Variants in WASL observed in about 807,000 individuals in gnomAD.
The protein encoded by WASL is WASP like actin nucleation promoting factor, also known as actin nucleation-promoting factor WASL.
WASL carries 20 observed loss-of-function variants against 55.5 expected under a neutral mutation model. The ratio of observed to expected loss-of-function variants is 0.36; its 90% CI spans 0.25 to 0.52. WASL has a LOEUF of 0.52. Among genes scored for constraint, WASL ranks in the 20% least tolerant of loss-of-function variants. WASL has a pLI of 0.92. For synonymous variants in WASL, 249 were observed against 217.6 expected, an observed-to-expected ratio of 1.14 and a Z score of -1.27; for missense variants, 504 against 622.5, an observed-to-expected ratio of 0.81 and a Z score of 2.03.
chr7:123,697,496 T>G (rs1803512202), intron 5 of WASL, among the ~76,000 whole-genome samples: 2 of 152,212 alleles, frequency 1.3e-5, no homozygotes, highest in Non-Finnish European at 2.9e-5. Context: ...AAAGTCTGAA[T>G]GTGGAGCATT....
At chr7:123,741,363 G>A (rs1804339488) in intron 1 of WASL, among the ~76,000 whole-genome samples, 1 of 152,096 alleles carries the variant, frequency 6.6e-6, no homozygotes, top group Admixed American at 6.6e-5. Flanking sequence ...TGGTAAAACT[G>A]GTTTCATTAT....
At chr7:123,702,450 T>A (rs1348880898) in intron 5 of WASL, among the ~76,000 whole-genome samples, 1 of 152,226 alleles carries the variant, frequency 6.6e-6, no homozygotes, top group African/African-American at 2.4e-5. Flanking sequence ...TTCTATCTAT[T>A]CATGGAAACT....
intron 1 of WASL, among the ~76,000 whole-genome samples, chr7:123,735,385 A>G (rs961168699): frequency 2.7e-5 from 4 of 149,422 alleles, no homozygotes; most frequent in African/African-American, 1.0e-4. Flanking sequence ...ATGCAGGAAA[A>G]AAAAAAAAAC....
chr7:123,715,252 G>T (rs963831118), intron 1 of WASL, among the ~76,000 whole-genome samples: 4 of 152,144 alleles, frequency 2.6e-5, no homozygotes, highest in African/African-American at 9.7e-5. Context: ...GGAGAAGCGG[G>T]AATACTTGCA....
At chr7:123,733,913 CAAAAAA>C (rs33913069) in intron 1 of WASL, among the ~76,000 whole-genome samples, 6 of 110,800 alleles carry the variant, frequency 5.4e-5, no homozygotes, top group South Asian at 3.0e-4. Context: ...ATCCACGTGC[CAAAAAA>C]AAAAAAAAAA....
chr7:123,710,475 T>C (rs1253927024), intron 1 of WASL, among the ~76,000 whole-genome samples: 1 of 151,964 alleles, frequency 6.6e-6, no homozygotes, highest in Admixed American at 6.6e-5. Context: ...GCCTGAGGGG[T>C]GCCCTTTTTT....
At chr7:123,736,818 C>T (rs1804240905) in intron 1 of WASL, among the ~76,000 whole-genome samples, 1 of 152,178 alleles carries the variant, frequency 6.6e-6, no homozygotes, top group Non-Finnish European at 1.5e-5. Context: ...ATCTACAAAT[C>T]CAATGCTACT....
chr7:123,692,548 A>AGGAGGT lies in WASL; in HGVS notation c.1140_1145dup (p.Pro382_Pro383dup), dbSNP rs771692868. ...GGCCAGGCGGGGGCGGTGGCCCAGG[A>AGGAGGT]GGAGGTGGAGGTGGAGGCGGTGGGG... On this transcript the variant is annotated inframe_insertion, in exon 9 of 11. Coordinates refer to ENST00000223023, the MANE Select transcript of WASL (RefSeq NM_003941.4). 5.6e-6 allele frequency: 9 copies of AGGAGGT among 1,613,742 alleles called. No individual in the cohort carries two copies. Among genetic ancestry groups the AGGAGGT allele is most frequent in the Middle Eastern group, 1.7e-4 (1 of 6,056 alleles).
chr7:123,742,192 A>C (rs911018213), intron 1 of WASL, among the ~76,000 whole-genome samples: 6 of 152,136 alleles, frequency 3.9e-5, no homozygotes, highest in Admixed American at 3.3e-4. Flanking sequence ...AGCAAGAAAG[A>C]CAGTAAAAGA....
At chr7:123,706,860 C>G in intron 2 of WASL, 34 bp from the exon 3 acceptor site, 1 of 1,300,182 alleles carries the variant, frequency 7.7e-7, no homozygotes, top group Non-Finnish European at 1.1e-6. Context: ...ATAAGAACTA[C>G]CAAAACATAA....
chr7:123,692,690 G>T lies in WASL; in HGVS notation c.1004C>A (p.Pro335His). The T allele has an allele frequency of 6.5e-7, 1 of 1,531,492 alleles. No homozygotes were observed. Among genetic ancestry groups the T allele is most frequent in the Non-Finnish European group, 8.8e-7 (1 of 1,142,618 alleles). The allele number at this position is 1,531,492 out of a possible 1,614,324, so 94.9% of individuals were successfully genotyped here. ...PPPSRPSVAV[P>H]PPPPNRMYPP... is the part of the protein sequence containing the mutation. ...GTACATCCTATTTGGCGGTGGTGGA[G>T]GGACTGCTACACTTGGCCTGGAAGG... The change falls in exon 9 of 11, where the codon CCT becomes CAT. Residue 335 changes from proline (P) to histidine (H), a missense_variant. Physicochemically the swap from Pro to His is moderately conservative, Grantham distance 77. Transcript: ENST00000223023.
rs1283732937 is a variant in WASL at position 123,683,095 on chromosome 7, C to T, written c.*1424G>A. On this transcript the variant is annotated 3_prime_UTR_variant, in exon 11 of 11. Coordinates refer to ENST00000223023, the MANE Select transcript of WASL (RefSeq NM_003941.4). Reference sequence around the variant, plus strand: ...ATACGAGATTTTGGTTGGTACAATTCTAGATAGCGTAATTTTTAGTTGGAT... The same window carrying T: ...ATACGAGATTTTGGTTGGTACAATTTTAGATAGCGTAATTTTTAGTTGGAT... 1 of 151,948 alleles carries T rather than the reference C, an allele frequency of 6.6e-6. No homozygotes were observed. The highest frequency in any genetic ancestry group is 1.5e-5 in the Non-Finnish European group (1 of 67,968). 9.4% of individuals were successfully genotyped at this position (151,948 alleles called of 1,614,324 possible). A position where few individuals can be genotyped will look rare whatever the true frequency, so the allele number is the denominator to read the frequency against.
chr7:123,730,400 T>C lies in WASL; in HGVS notation c.117+18218A>G, dbSNP rs1306184443. 2.0e-5 allele frequency among the ~76,000 whole-genome samples: 3 copies of C among 152,200 alleles called. No individual in the cohort carries two copies. The East Asian group carries it at 5.8e-4, about 29-fold the overall frequency. Reference sequence around the variant, plus strand: ...ATAGCTTTTAGATAAATAAAATTAATGACAGTGGGGAGGGATGGGAGGAAG... The same window carrying C: ...ATAGCTTTTAGATAAATAAAATTAACGACAGTGGGGAGGGATGGGAGGAAG... On this transcript the variant is annotated intron_variant, in intron 1 of 10. Transcript: ENST00000223023.
intron 1 of WASL, among the ~76,000 whole-genome samples, chr7:123,715,392 C>T (rs1803824227): frequency 6.6e-6 from 1 of 152,154 alleles, no homozygotes; most frequent in Non-Finnish European, 1.5e-5. Flanking sequence ...AGATTAGTCA[C>T]CAGCAGACCA....
chr7:123,695,051 TTC>T (rs1326280042), intron 7 of WASL, among the ~76,000 whole-genome samples, 183 bp from the exon 8 acceptor site: 1 of 152,098 alleles, frequency 6.6e-6, no homozygotes, highest in African/African-American at 2.4e-5. Context: ...TATTTTATTC[TTC>T]TTTTTTGTTC....
chr7:123,748,984 C>T lies in WASL; in HGVS notation c.-250G>A. 2.0e-6 allele frequency: 1 copy of T among 511,272 alleles called. No individual in the cohort carries two copies. The highest frequency in any genetic ancestry group is 3.4e-5 in the East Asian group (1 of 28,998). 31.7% of individuals were successfully genotyped at this position (511,272 alleles called of 1,614,324 possible). ...CAGGCTAGGGCCGGATGGTCGTTGT[C>T]CTCGCACTCCGGCGACTGCGCTAAA... On this transcript the variant is annotated 5_prime_UTR_variant, in exon 1 of 11. Transcript: ENST00000223023.
intron 1 of WASL, chr7:123,720,263 G>A (rs1803919025): frequency 1.0e-5 from 4 of 401,126 alleles, no homozygotes; most frequent in Admixed American, 6.9e-5. Flanking sequence ...AAAATTACTC[G>A]AATATTTTGG....
intron 1 of WASL, among the ~76,000 whole-genome samples, chr7:123,713,403 T>C (rs1803790247): frequency 6.6e-6 from 1 of 152,162 alleles, no homozygotes; most frequent in Non-Finnish European, 1.5e-5. Flanking sequence ...TCCTCCTACC[T>C]TGGCCTCCTA....
At chr7:123,686,616 TCA>T (rs1435412975) in intron 10 of WASL, among the ~76,000 whole-genome samples, 1 of 152,274 alleles carries the variant, frequency 6.6e-6, no homozygotes, top group African/African-American at 2.4e-5. Flanking sequence ...TTAGCAGAAC[TCA>T]CAGATACCAG....
Sources: allele counts gnomAD v4.1 joint callset (sites outside exome capture counted in the v4.1 genomes callset), GRCh38; gene constraint gnomAD v4.1.1; transcripts MANE v1.5; gene names NCBI Gene and HGNC (gene_info 2026-07-23, HGNC 2026-07-21).